Variants in PIBF1 observed in about 807,000 individuals in gnomAD.
The protein encoded by PIBF1 is progesterone-induced-blocking factor 1.
PIBF1 carries 90 observed loss-of-function variants against 112.5 expected under a neutral mutation model. The observed-to-expected ratio is 0.80, with a 90% CI of 0.67 to 0.95. The LOEUF (loss-of-function observed/expected upper bound fraction) is 0.95, where lower values mean the gene tolerates loss of function less well. PIBF1 is among the 40% of genes least tolerant of loss of function. The pLI, the probability that PIBF1 is intolerant of heterozygous loss-of-function variation, is 0.00. For missense variants in PIBF1, 915 were observed against 852.3 expected (o/e 1.07, Z -0.92); for synonymous variants, 301 against 288.6 (o/e 1.04, Z -0.44).
chr13:72,953,865 G>A (rs1299974681), intron 14 of PIBF1, among the ~76,000 whole-genome samples: 2 of 152,128 alleles, frequency 1.3e-5, no homozygotes, highest in Non-Finnish European at 2.9e-5. Flanking sequence ...CCCAGGGCAG[G>A]CACTCTGGGG....
chr13:72,871,079 A>T (rs73218757), intron 10 of PIBF1, among the ~76,000 whole-genome samples: 452 of 152,288 alleles, frequency 3.0e-3, no homozygotes, highest in Non-Finnish European at 4.5e-3. Flanking sequence ...ATGATTGGTA[A>T]CTATGGCCTG....
At position 72,968,076 on chromosome 13, in the gene PIBF1, C is replaced by T. The variant is rs557767719; in HGVS notation, c.1964+2672C>T. 1.8e-3 allele frequency among the ~76,000 whole-genome samples: 279 copies of T among 151,310 alleles called. 11 individuals carry two copies. The South Asian group carries it at 0.054, about 29-fold the overall frequency. Reference sequence around the variant, plus strand: ...GCGGGCGCCTGTAGTCCCAGCTACTCGGGAGGCTGAGGCAGGAGAATGGCG... The same window carrying T: ...GCGGGCGCCTGTAGTCCCAGCTACTTGGGAGGCTGAGGCAGGAGAATGGCG... On this transcript the variant is annotated intron_variant, in intron 15 of 17. Coordinates refer to ENST00000326291, the MANE Select transcript of PIBF1 (RefSeq NM_006346.4).
At chr13:72,797,406 A>G (rs1434736589) in intron 4 of PIBF1, among the ~76,000 whole-genome samples, 1 of 152,202 alleles carries the variant, frequency 6.6e-6, no homozygotes, top group Non-Finnish European at 1.5e-5. Context: ...CAAAGGTGCT[A>G]CAGAGAAAAG....
chr13:72,833,714 G>T (rs942644520), intron 8 of PIBF1, among the ~76,000 whole-genome samples: 1 of 152,168 alleles, frequency 6.6e-6, no homozygotes, highest in Non-Finnish European at 1.5e-5. Flanking sequence ...TCCCAGTCAG[G>T]ATACACGGGG....
At chr13:72,879,561 T>A (rs1018631535) in intron 10 of PIBF1, among the ~76,000 whole-genome samples, 2 of 152,210 alleles carry the variant, frequency 1.3e-5, no homozygotes, top group Admixed American at 6.5e-5. Context: ...GTTTTTAGAA[T>A]GACAACTATA....
intron 10 of PIBF1, among the ~76,000 whole-genome samples, chr13:72,864,758 A>T (rs1482500843): frequency 6.6e-6 from 1 of 152,190 alleles, no homozygotes; most frequent in Admixed American, 6.5e-5. Context: ...TTAAAATATG[A>T]TGTTTACTGG....
intron 10 of PIBF1, among the ~76,000 whole-genome samples, chr13:72,886,937 A>G (rs1019689901): frequency 1.3e-5 from 2 of 151,938 alleles, no homozygotes; most frequent in African/African-American, 4.8e-5. Flanking sequence ...TGCGACATTA[A>G]TGTTGGCTTT....
At chr13:72,792,188 C>A (rs989145635) in intron 2 of PIBF1, among the ~76,000 whole-genome samples, 5 of 151,928 alleles carry the variant, frequency 3.3e-5, no homozygotes, top group African/African-American at 1.2e-4. Context: ...CCCAGCTACT[C>A]AGGAGGCTGG....
intron 16 of PIBF1, among the ~76,000 whole-genome samples, chr13:72,991,979 A>G (rs2043497375): frequency 6.6e-6 from 1 of 152,138 alleles, no homozygotes; most frequent in African/African-American, 2.4e-5. Context: ...TGGCCTCCCA[A>G]AGTGCTGGGA....
chr13:72,927,983 A>ATATATG, intron 13 of PIBF1, among the ~76,000 whole-genome samples: 1 of 75,428 alleles, frequency 1.3e-5, no homozygotes, highest in African/African-American at 5.8e-5. Context: ...ATATACATAT[A>ATATATG]TATATACACA....
chr13:72,994,111 T>C (rs1043297528), intron 16 of PIBF1, among the ~76,000 whole-genome samples: 1 of 65,040 alleles, frequency 1.5e-5, no homozygotes, highest in African/African-American at 7.6e-5. Flanking sequence ...AGAACCTGTC[T>C]CAAAAAAAAA....
At chr13:72,917,018 C>T in intron 12 of PIBF1, 58 bp from the exon 13 acceptor site, 1 of 1,108,654 alleles carries the variant, frequency 9.0e-7, no homozygotes, top group South Asian at 1.6e-5. Flanking sequence ...TCACTTCTGC[C>T]ATCTTTTTTA....
chr13:72,998,683 C>A, intron 16 of PIBF1, 139 bp from the exon 17 acceptor site: 3 of 593,024 alleles, frequency 5.1e-6, no homozygotes, highest in Non-Finnish European at 8.9e-6. Flanking sequence ...GTGCATGATT[C>A]TAATTACTAT....
At chr13:72,902,179 T>C (rs1268929576) in intron 11 of PIBF1, among the ~76,000 whole-genome samples, 2 of 152,108 alleles carry the variant, frequency 1.3e-5, no homozygotes, top group Non-Finnish European at 2.9e-5. Flanking sequence ...GTGGGAGCTA[T>C]GCTATGAGGA....
chr13:72,919,585 G>T (rs1291684476), intron 13 of PIBF1, among the ~76,000 whole-genome samples: 1 of 152,138 alleles, frequency 6.6e-6, no homozygotes, highest in Non-Finnish European at 1.5e-5. Flanking sequence ...TAAATGATAG[G>T]TAAAATACTA....
At chr13:72,931,938 C>CT (rs59274277) in intron 14 of PIBF1, among the ~76,000 whole-genome samples, 64 of 100,794 alleles carry the variant, frequency 6.3e-4, no homozygotes, top group East Asian at 3.1e-3. Context: ...TTGTTTCTTT[C>CT]TTTTTTTTTT....
intron 17 of PIBF1, among the ~76,000 whole-genome samples, chr13:73,011,289 G>A (rs754127246): frequency 6.6e-6 from 1 of 152,216 alleles, no homozygotes; most frequent in African/African-American, 2.4e-5. Flanking sequence ...ACTGCTAGAA[G>A]TTAGGTATGG....
At chr13:72,884,591 C>A (rs1464570127) in intron 10 of PIBF1, 1 of 152,058 alleles carries the variant, frequency 6.6e-6, no homozygotes, top group African/African-American at 2.4e-5. Flanking sequence ...TAAATTAATA[C>A]TGAGTTGCTT....
At chr13:72,801,917 A>G (rs926616884) in intron 5 of PIBF1, among the ~76,000 whole-genome samples, 7 of 152,222 alleles carry the variant, frequency 4.6e-5, no homozygotes, top group Non-Finnish European at 1.0e-4. Flanking sequence ...CATTTTGGAG[A>G]GACCATTAAT....
Sources: gnomAD v4.1 joint callset for allele counts (sites outside exome capture counted in the v4.1 genomes callset) on GRCh38, gnomAD v4.1.1 for gene constraint, MANE v1.5 for transcripts, NCBI Gene and HGNC (gene_info 2026-07-23, HGNC 2026-07-21) for gene names.